The following ADGRB3 variants were observed in gnomAD, a reference collection of about 807,000 sequenced individuals.
The protein encoded by ADGRB3 is brain-specific angiogenesis inhibitor 3.
Under a neutral mutation model 193.4 loss-of-function variants are expected in ADGRB3, and 37 were observed. The observed-to-expected ratio is 0.19, with a 90% confidence interval of 0.15 to 0.25. ADGRB3 has a LOEUF of 0.25. ADGRB3 is among the 10% of genes least tolerant of loss of function. The pLI is 1.00. For missense variants in ADGRB3, 1,637 were observed against 1,852.9 expected (o/e 0.88, Z 2.14); for synonymous variants, 690 against 644.2 (o/e 1.07, Z -1.08).
intron 3 of ADGRB3, among the ~76,000 whole-genome samples, chr6:68,732,697 C>CA (rs988926357): frequency 2.0e-5 from 3 of 151,958 alleles, no homozygotes; most frequent in African/African-American, 7.2e-5. Flanking sequence ...ACTCCACCCT[C>CA]ACTGTGTAGC....
chr6:69,104,170 A>G lies in ADGRB3; in HGVS notation c.2480+28132A>G, dbSNP rs1453555882. 6.8e-5 allele frequency among the ~76,000 whole-genome samples: 10 copies of G among 146,488 alleles called. No homozygotes were observed. In the South Asian group the frequency reaches 1.2e-3, roughly 17 times the overall value. On this transcript the variant is annotated intron_variant, in intron 17 of 31. Transcript: ENST00000370598. ...CATCTAGCATTAGGTGTATCTCCCAATGCTATCCCTCCCCCCTCCCCCGAC... is the reference window on the plus strand; with the variant it reads ...CATCTAGCATTAGGTGTATCTCCCAGTGCTATCCCTCCCCCCTCCCCCGAC...
chr6:69,387,258 T>C (rs1770093594), intron 31 of ADGRB3, among the ~76,000 whole-genome samples: 1 of 152,028 alleles, frequency 6.6e-6, no homozygotes, highest in South Asian at 2.1e-4. Flanking sequence ...GTAGCTAATA[T>C]GGTGTCTGGC....
intron 17 of ADGRB3, among the ~76,000 whole-genome samples, chr6:69,122,324 C>T (rs9454702): frequency 0.22 from 32,754 of 151,144 alleles, 3,814 homozygotes; most frequent in Middle Eastern, 0.25. Context: ...TGGCACGCGC[C>T]TGTAATCCCA....
Position 69,388,864 on chromosome 6 carries a change from A to G in ADGRB3, c.4542A>G (p.Gln1514=), listed in dbSNP as rs1380226817. 1 of 1,612,532 alleles carries G rather than the reference A, an allele frequency of 6.2e-7. No individual in the cohort carries two copies. The highest frequency in any genetic ancestry group is 2.2e-5 in the East Asian group (1 of 44,830). ...GTCTGAATTTGCCTCTGGATGTGCA[A>G]GAGGGTGACTTTCAAACAGAAGTTT... The part of the protein sequence containing the change: ...EKCLNLPLDV[Q]EGDFQTEV The change falls in exon 32 of 32, where the codon CAA becomes CAG. Residue 1514 remains glutamine (Q), a synonymous_variant. Coordinates refer to ENST00000370598, the MANE Select transcript of ADGRB3 (RefSeq NM_001704.3).
At chr6:69,354,098 T>A (rs1014015724) in intron 26 of ADGRB3, 135 bp from the exon 27 acceptor site, 48 of 544,504 alleles carry the variant, frequency 8.8e-5, no homozygotes, top group Middle Eastern at 2.8e-4. Flanking sequence ...TAAGTTTTTT[T>A]AAAAAGAAGT....
intron 20 of ADGRB3, among the ~76,000 whole-genome samples, chr6:69,254,466 C>A (rs1223323008): frequency 6.6e-6 from 1 of 151,970 alleles, no homozygotes; most frequent in Non-Finnish European, 1.5e-5. Context: ...TCTTAGAGAA[C>A]TTTTTCATTT....
chr6:68,720,356 C>A (rs1765555625), intron 3 of ADGRB3, among the ~76,000 whole-genome samples: 1 of 151,696 alleles, frequency 6.6e-6, no homozygotes, highest in East Asian at 1.9e-4. Context: ...GCAAGAACAC[C>A]CCTCAGGCTA....
chr6:68,667,631 G>A (rs1768835434), intron 3 of ADGRB3, among the ~76,000 whole-genome samples: 1 of 151,766 alleles, frequency 6.6e-6, no homozygotes, highest in South Asian at 2.1e-4. Context: ...AGAAATTTCT[G>A]AGACTCCAAG....
chr6:68,719,037 T>C (rs1285273299), intron 3 of ADGRB3, among the ~76,000 whole-genome samples: 2 of 151,846 alleles, frequency 1.3e-5, no homozygotes, highest in African/African-American at 4.8e-5. Context: ...CCTAATTATG[T>C]ACTAGCACTT....
At chr6:69,042,026 T>G (rs80106184) in intron 13 of ADGRB3, among the ~76,000 whole-genome samples, 1 of 152,182 alleles carries the variant, frequency 6.6e-6, no homozygotes. Flanking sequence ...ATGGGAGTGG[T>G]TCACCCCATC....
At chr6:69,170,778 G>T (rs565054916) in intron 17 of ADGRB3, among the ~76,000 whole-genome samples, 2 of 152,256 alleles carry the variant, frequency 1.3e-5, no homozygotes, top group East Asian at 3.9e-4. Flanking sequence ...TGGAGCAAGA[G>T]CTCGAAAGGT....
intron 20 of ADGRB3, among the ~76,000 whole-genome samples, chr6:69,254,476 T>C (rs1380101498): frequency 6.6e-6 from 1 of 152,174 alleles, no homozygotes; most frequent in Admixed American, 6.5e-5. Flanking sequence ...CTTTTTCATT[T>C]ATCCCTGTGA....
intron 3 of ADGRB3, among the ~76,000 whole-genome samples, chr6:68,658,259 C>T (rs1768536558): frequency 6.6e-6 from 1 of 151,242 alleles, no homozygotes; most frequent in South Asian, 2.1e-4. Flanking sequence ...TGAGCCCTTA[C>T]ACTATACCAC....
intron 13 of ADGRB3, among the ~76,000 whole-genome samples, chr6:69,036,228 A>G (rs957315250): frequency 6.6e-5 from 10 of 152,196 alleles, no homozygotes; most frequent in African/African-American, 2.4e-4. Flanking sequence ...AAGAGTTGGC[A>G]TGAATTGAAT....
intron 3 of ADGRB3, among the ~76,000 whole-genome samples, chr6:68,779,227 A>AT (rs1766807391): frequency 9.6e-6 from 1 of 104,068 alleles, no homozygotes; most frequent in Admixed American, 1.1e-4. Context: ...ATATGTATAT[A>AT]TTATGTGTGT....
At chr6:68,825,698 C>T (rs1468114424) in intron 3 of ADGRB3, among the ~76,000 whole-genome samples, 2 of 152,076 alleles carry the variant, frequency 1.3e-5, no homozygotes, top group Non-Finnish European at 2.9e-5. Flanking sequence ...TGAGTGAGTT[C>T]TCACGAGATC....
chr6:68,843,061 A>T (rs2127388057), intron 3 of ADGRB3, among the ~76,000 whole-genome samples: 1 of 151,574 alleles, frequency 6.6e-6, no homozygotes, highest in African/African-American at 2.4e-5. Flanking sequence ...CAAAAAAAAA[A>T]ACAGGAAATG....
At chr6:68,830,967 A>AG (rs1472734873) in intron 3 of ADGRB3, among the ~76,000 whole-genome samples, 2 of 151,562 alleles carry the variant, frequency 1.3e-5, no homozygotes, top group Non-Finnish European at 2.9e-5. Flanking sequence ...AAAAAAAAAA[A>AG]AGAGAATGCT....
At chr6:69,073,035 A>G (rs1772121880) in intron 16 of ADGRB3, among the ~76,000 whole-genome samples, 1 of 152,222 alleles carries the variant, frequency 6.6e-6, no homozygotes, top group Admixed American at 6.5e-5. Context: ...GCTGACTAGC[A>G]TAGGCCATGA....
Sources: allele counts gnomAD v4.1 joint callset (sites outside exome capture counted in the v4.1 genomes callset), GRCh38; gene constraint gnomAD v4.1.1; transcripts MANE v1.5; gene names NCBI Gene and HGNC (gene_info 2026-07-23, HGNC 2026-07-21).